Variants in PPL observed in about 807,000 individuals in gnomAD.
PPL encodes the protein periplakin.
In PPL, 198 loss-of-function variants were observed where a neutral mutation model predicts 194.4. The ratio of observed to expected loss-of-function variants is 1.02; its 90% CI spans 0.91 to 1.15. The LOEUF (loss-of-function observed/expected upper bound fraction) is 1.15, where lower values mean the gene tolerates loss of function less well. PPL is among the 50% of genes most tolerant of loss of function. The pLI, the probability that PPL is intolerant of heterozygous loss-of-function variation, is 0.00. For synonymous variants in PPL, 1,220 were observed against 972.4 expected (o/e 1.25, Z -4.74); for missense variants, 2,885 against 2,294.8 (o/e 1.26, Z -5.25).
At chr16:4,887,716 C>T (rs1413774866) in intron 20 of PPL, among the ~76,000 whole-genome samples, 1 of 152,178 alleles carries the variant, frequency 6.6e-6, no homozygotes, top group East Asian at 1.9e-4. Flanking sequence ...GATCCTCCCT[C>T]CTCAACCTCC....
intron 1 of PPL, among the ~76,000 whole-genome samples, chr16:4,915,993 A>C (rs2088909328): frequency 6.6e-6 from 1 of 152,150 alleles, no homozygotes; most frequent in African/African-American, 2.4e-5. Context: ...AGAGCCCAAA[A>C]CCACACCGGG....
intron 21 of PPL, among the ~76,000 whole-genome samples, 178 bp downstream of exon 21, chr16:4,886,957 G>C (rs561206641): frequency 1.3e-5 from 2 of 152,352 alleles, no homozygotes; most frequent in South Asian, 4.1e-4. Context: ...TTACTGAGTT[G>C]AATAAGTTCT....
At chr16:4,895,456 C>A in intron 10 of PPL, 49 bp from the exon 11 acceptor site, 1 of 1,607,098 alleles carries the variant, frequency 6.2e-7, no homozygotes, top group Middle Eastern at 1.9e-4. Context: ...AGCCTTCCCC[C>A]TGGTGGGAGG....
In PPL at chr16:4,897,642, G is replaced by A. The variant is rs377421416; in HGVS notation, c.972+33C>T. On this transcript the variant is annotated intron_variant, in intron 9 of 21. Coordinates refer to ENST00000345988, the MANE Select transcript of PPL (RefSeq NM_002705.5). ...AGCGCTCTCAGAGAGTAGCACCCCC[G>A]GTGCTGGGGGGACTCCCAGGAAAGG... 4.7e-5 allele frequency: 73 copies of A among 1,549,008 alleles called. No homozygotes were observed. In the South Asian group the frequency reaches 5.4e-4, roughly 11 times the overall value.
chr16:4,906,686 G>A (rs1030844581), intron 2 of PPL, among the ~76,000 whole-genome samples: 2 of 152,234 alleles, frequency 1.3e-5, no homozygotes. Context: ...GAGAGAGAAA[G>A]AGAACATCTA....
Position 4,905,851 on chromosome 16 carries a change from TCTTAACA to T in PPL, c.163-1818_163-1812del, listed in dbSNP as rs546416420. Among the ~76,000 whole-genome samples, 194 of 152,276 alleles carry T rather than the reference TCTTAACA, an allele frequency of 1.3e-3. 3 individuals are homozygous for T. The highest frequency in any genetic ancestry group is 2.2e-3 in the Non-Finnish European group (150 of 68,034). ...CAGGCACAGTGGCTCATATCTGTAATCTTAACACTTTGGGGGGCTGTGGCAGGAGGAT... is the reference window on the plus strand; with the variant it reads ...CAGGCACAGTGGCTCATATCTGTAATCTTTGGGGGGCTGTGGCAGGAGGAT... On this transcript the variant is annotated intron_variant, in intron 2 of 21. Transcript: ENST00000345988.
chr16:4,918,974 C>T (rs2088982698), intron 1 of PPL, among the ~76,000 whole-genome samples: 1 of 152,126 alleles, frequency 6.6e-6, no homozygotes, highest in Admixed American at 6.5e-5. Context: ...GCCATCAGCC[C>T]CACTGATGGA....
intron 1 of PPL, among the ~76,000 whole-genome samples, chr16:4,924,515 G>C (rs945742400): frequency 1.3e-5 from 2 of 152,148 alleles, no homozygotes; most frequent in Non-Finnish European, 1.5e-5. Context: ...TCGGTGCCTG[G>C]TACCCAGGGA....
At chr16:4,915,331 A>G (rs1381201483) in intron 1 of PPL, among the ~76,000 whole-genome samples, 4 of 152,232 alleles carry the variant, frequency 2.6e-5, no homozygotes, top group Non-Finnish European at 4.4e-5. Context: ...TGCTGCTTAG[A>G]CAGCCTCAGG....
At chr16:4,917,237 T>C (rs560672782) in intron 1 of PPL, among the ~76,000 whole-genome samples, 4 of 152,328 alleles carry the variant, frequency 2.6e-5, no homozygotes, top group Non-Finnish European at 4.4e-5. Context: ...TAATAGCCTT[T>C]TGGCCTCCAC....
At chr16:4,896,280 C>T (rs1283749778) in intron 9 of PPL, among the ~76,000 whole-genome samples, 1 of 152,120 alleles carries the variant, frequency 6.6e-6, no homozygotes, top group Non-Finnish European at 1.5e-5. Flanking sequence ...ACACCTCAAT[C>T]CTAAGAATTA....
chr16:4,897,229 G>A (rs2088447969), intron 9 of PPL, among the ~76,000 whole-genome samples: 7 of 150,464 alleles, frequency 4.7e-5, no homozygotes, highest in Admixed American at 4.6e-4. Context: ...CAGCTGTTCA[G>A]GAGGCTGAGG....
rs780189514 is a variant in PPL at position 4,892,154 on chromosome 16, G to C, written c.1710C>G (p.Gly570=). The part of the protein sequence containing the change: ...EPEKTRSTAE[G]EAFIQALPGS... ...CTGGGAGGGCCTGGATGAAGGCTTC[G>C]CCCTCAGCCGTGCTCCGCGTCTTCT... The change falls in exon 15 of 22, where the codon GGC becomes GGG. Residue 570 remains glycine (G), a synonymous_variant. Transcript: ENST00000345988. The C allele has an allele frequency of 3.1e-6, 5 of 1,613,666 alleles. No homozygotes were observed.
In PPL at chr16:4,893,562, G is replaced by A. The variant is rs373748719; in HGVS notation, c.1471C>T (p.Leu491=). The A allele has an allele frequency of 1.2e-5, 20 of 1,612,466 alleles. No homozygotes were observed. The African/African-American group carries it at 2.5e-4, about 20-fold the overall frequency. ...CCACCTCCGGGATTCTCGGTCTTCAGCACCTCATACCGCTGCTGCAGCGTG... is the reference window on the plus strand; with the variant it reads ...CCACCTCCGGGATTCTCGGTCTTCAACACCTCATACCGCTGCTGCAGCGTG... ...KRTLQQRYEV[L]KTENPGDASD... Residue 491 remains leucine, a synonymous_variant, in exon 13 of 22, where the codon CTG becomes TTG. Coordinates refer to ENST00000345988, the MANE Select transcript of PPL (RefSeq NM_002705.5).
In PPL at chr16:4,902,863, A is replaced by G. The variant is rs2088604768; in HGVS notation, c.318-337T>C. Among the ~76,000 whole-genome samples the G allele has an allele frequency of 1.3e-5, 2 of 151,576 alleles. No individual in the cohort carries two copies. Among genetic ancestry groups the G allele is most frequent in the African/African-American group, 4.8e-5 (2 of 41,276 alleles). On this transcript the variant is annotated intron_variant, in intron 3 of 21. Coordinates refer to ENST00000345988, the MANE Select transcript of PPL (RefSeq NM_002705.5). The surrounding 1 kb of genome is among the most constrained non-coding windows in gnomAD (Gnocchi z 4.0). ...TGCCACCTCGCCTGGGTAATTTTGT[A>G]TTTTCAGTAGAGACGGGGTTTCACC...
At chr16:4,905,837 G>A (rs372434356) in intron 2 of PPL, among the ~76,000 whole-genome samples, 181 of 152,300 alleles carry the variant, frequency 1.2e-3, no homozygotes, top group African/African-American at 3.9e-3. Flanking sequence ...AGGCACAGTG[G>A]CTCATATCTG....
rs776951958 is a variant in PPL, at chr16:4,892,113, G to T, written c.1751C>A (p.Pro584His). The T allele has an allele frequency of 8.1e-6, 13 of 1,613,810 alleles. No individual in the cohort carries two copies. The highest frequency in any genetic ancestry group is 1.1e-5 in the Non-Finnish European group (13 of 1,180,034). Reference protein sequence around the residue: ...IQALPGSGTTPLLRTRVEDTN... With the variant: ...IQALPGSGTTHLLRTRVEDTN... Reference sequence around the variant, plus strand: ...GTCCTCCACCCGGGTCCTCAGCAGGGGTGTGGTGCCACTGCCTGGGAGGGC... The same window carrying T: ...GTCCTCCACCCGGGTCCTCAGCAGGTGTGTGGTGCCACTGCCTGGGAGGGC... The change falls in exon 15 of 22, where the codon CCC becomes CAC. Residue 584 changes from proline (P) to histidine (H), a missense_variant. Transcript: ENST00000345988.
intron 11 of PPL, 69 bp downstream of exon 11, chr16:4,895,192 G>T: frequency 1.3e-6 from 2 of 1,492,850 alleles, no homozygotes; most frequent in African/African-American, 2.8e-5. Context: ...GGCGCCTGAG[G>T]CCCGGGATCC....
chr16:4,929,952 C>G (rs747235495), intron 1 of PPL, among the ~76,000 whole-genome samples: 1 of 152,030 alleles, frequency 6.6e-6, no homozygotes. Context: ...CCTCCCAAAG[C>G]GCTAGGACAA....
Sources: allele counts gnomAD v4.1 joint callset (sites outside exome capture counted in the v4.1 genomes callset), GRCh38; gene constraint gnomAD v4.1.1; non-coding constraint Gnocchi (gnomAD v3.1); transcripts MANE v1.5; gene names NCBI Gene and HGNC (gene_info 2026-07-23, HGNC 2026-07-21).